Variants in LRRIQ3 observed in about 807,000 individuals in gnomAD.
LRRIQ3 encodes leucine-rich repeat and IQ domain-containing protein 3.
In LRRIQ3, 75 loss-of-function variants were observed where a neutral mutation model predicts 59.3. The ratio of observed to expected loss-of-function variants is 1.26; its 90% confidence interval spans 1.05 to 1.53. The LOEUF (loss-of-function observed/expected upper bound fraction) is 1.53. Among genes scored for constraint, LRRIQ3 ranks in the 40% most tolerant of loss-of-function variants. The pLI, the probability that LRRIQ3 is intolerant of heterozygous loss-of-function variation, is 0.00. For synonymous variants in LRRIQ3, 250 were observed against 231.3 expected (o/e 1.08, Z -0.73); for missense variants, 831 against 710.0 (o/e 1.17, Z -1.94).
At chr1:74,106,682 G>C (rs1557617938) in intron 5 of LRRIQ3, among the ~76,000 whole-genome samples, 1 of 151,912 alleles carries the variant, frequency 6.6e-6, no homozygotes, top group Non-Finnish European at 1.5e-5. Context: ...ATTTTGCTTA[G>C]AACAGCAGTA....
intron 7 of LRRIQ3, among the ~76,000 whole-genome samples, chr1:74,032,257 T>C (rs575844898): frequency 3.9e-4 from 60 of 152,186 alleles, no homozygotes; most frequent in African/African-American, 1.4e-3. Flanking sequence ...CAATACAATC[T>C]TGGGAAAACA....
intron 4 of LRRIQ3, among the ~76,000 whole-genome samples, chr1:74,149,331 A>C (rs1022729192): frequency 6.6e-6 from 1 of 152,190 alleles, no homozygotes; most frequent in Non-Finnish European, 1.5e-5. Flanking sequence ...AAAGCACTTC[A>C]AGAATGTGTT....
chr1:74,072,137 T>C (rs1655044520), intron 6 of LRRIQ3, among the ~76,000 whole-genome samples: 1 of 152,126 alleles, frequency 6.6e-6, no homozygotes. Flanking sequence ...TTAAGAATGG[T>C]ATCTAAAAGT....
chr1:74,031,658 T>A (rs1198636374), intron 7 of LRRIQ3, among the ~76,000 whole-genome samples: 2 of 151,792 alleles, frequency 1.3e-5, no homozygotes, highest in African/African-American at 4.8e-5. Flanking sequence ...ATATACCTAA[T>A]GTAAATGAGG....
chr1:74,060,147 T>G (rs1412179831), intron 6 of LRRIQ3, among the ~76,000 whole-genome samples: 1 of 152,022 alleles, frequency 6.6e-6, no homozygotes, highest in Non-Finnish European at 1.5e-5. Flanking sequence ...TCTAGTAACC[T>G]GAGTCGCCTT....
chr1:74,034,826 T>G (rs1366156725), intron 7 of LRRIQ3, among the ~76,000 whole-genome samples: 2 of 151,968 alleles, frequency 1.3e-5, no homozygotes, highest in African/African-American at 4.8e-5. Flanking sequence ...AACTTCTTTC[T>G]AGCACAGGCT....
At chr1:74,181,867 T>C (rs942259083) in intron 3 of LRRIQ3, 3 of 151,776 alleles carry the variant, frequency 2.0e-5, no homozygotes, top group African/African-American at 7.2e-5. Context: ...TTCCTCAAAA[T>C]TTCTACACAC....
At chr1:74,060,115 T>C (rs1654656769) in intron 6 of LRRIQ3, among the ~76,000 whole-genome samples, 1 of 152,110 alleles carries the variant, frequency 6.6e-6, no homozygotes, top group Admixed American at 6.6e-5. Flanking sequence ...TTTGTGGTAA[T>C]GTCCCCTGTT....
intron 4 of LRRIQ3, among the ~76,000 whole-genome samples, chr1:74,134,558 C>T (rs980500319): frequency 6.6e-6 from 1 of 151,804 alleles, no homozygotes; most frequent in Admixed American, 6.6e-5. Context: ...CTATAACACT[C>T]TTTTCTTGGG....
rs761276681 is a variant in LRRIQ3 at position 74,109,528 on chromosome 1, G to GTTT, written c.730_732dup (p.Lys244dup). On this transcript the variant is annotated inframe_insertion, in exon 5 of 8. Transcript: ENST00000354431. Reference sequence around the variant, plus strand: ...TATCCTCTAATAATTTTTTCCTGCTGTTTTTTTTTGTGGAAAAACACAGGG... The same window carrying GTTT: ...TATCCTCTAATAATTTTTTCCTGCTGTTTTTTTTTTTTGTGGAAAAACACAGGG... 9.3e-6 allele frequency: 12 copies of GTTT among 1,288,052 alleles called. No homozygotes were observed. The highest frequency in any genetic ancestry group is 5.8e-5 in the East Asian group (2 of 34,782). 79.8% of individuals were successfully genotyped at this position (1,288,052 alleles called of 1,614,324 possible).
intron 7 of LRRIQ3, among the ~76,000 whole-genome samples, chr1:74,030,328 G>T (rs1220082940): frequency 6.6e-6 from 1 of 152,076 alleles, no homozygotes; most frequent in Non-Finnish European, 1.5e-5. Flanking sequence ...AAAGAACAAA[G>T]CTGGAGGCAT....
chr1:74,080,525 A>G (rs981991780), intron 5 of LRRIQ3, among the ~76,000 whole-genome samples: 1 of 151,680 alleles, frequency 6.6e-6, no homozygotes, highest in African/African-American at 2.4e-5. Flanking sequence ...AAGAATAAAC[A>G]CTTTACACTG....
intron 4 of LRRIQ3, among the ~76,000 whole-genome samples, chr1:74,138,165 A>AAC (rs199833919): frequency 0.46 from 48,494 of 106,512 alleles, 9,600 homozygotes; most frequent in East Asian, 0.79. Context: ...CAAACAAACA[A>AAC]AAAAAAAAAA....
chr1:74,100,752 C>A (rs1214311659), intron 5 of LRRIQ3, among the ~76,000 whole-genome samples: 2 of 152,038 alleles, frequency 1.3e-5, no homozygotes, highest in Admixed American at 6.6e-5. Flanking sequence ...AGAAATAATA[C>A]CACACAACTA....
chr1:74,167,668 G>T (rs1424710788), intron 3 of LRRIQ3, among the ~76,000 whole-genome samples: 1 of 151,656 alleles, frequency 6.6e-6, no homozygotes, highest in Admixed American at 6.6e-5. Flanking sequence ...TGTGTACATT[G>T]CTCTGGTGAT....
chr1:74,031,288 T>G (rs1164736259), intron 7 of LRRIQ3, among the ~76,000 whole-genome samples: 2 of 152,190 alleles, frequency 1.3e-5, no homozygotes, highest in African/African-American at 4.8e-5. Flanking sequence ...TTATAAATCA[T>G]GCTGCTATAA....
At chr1:74,185,702 G>C (rs939239988) in intron 1 of LRRIQ3, among the ~76,000 whole-genome samples, 3 of 152,104 alleles carry the variant, frequency 2.0e-5, no homozygotes, top group African/African-American at 7.2e-5. Context: ...CCAGCACTTT[G>C]GGAGGCTGAG....
Position 74,060,285 on chromosome 1 carries a change from C to T in LRRIQ3, c.997+14376G>A, listed in dbSNP as rs147915534. 3.1e-3 allele frequency among the ~76,000 whole-genome samples: 454 copies of T among 147,412 alleles called. 2 individuals are homozygous for T. The highest frequency in any genetic ancestry group is 0.011 in the African/African-American group (429 of 39,196). Reference sequence around the variant, plus strand: ...CTTCCTCTTCTTTCTCTTCCTCCTCCTCCTCTTCCTCCTCTTCCTCTTCTT... The same window carrying T: ...CTTCCTCTTCTTTCTCTTCCTCCTCTTCCTCTTCCTCCTCTTCCTCTTCTT... On this transcript the variant is annotated intron_variant, in intron 6 of 7. Transcript: ENST00000354431.
intron 3 of LRRIQ3, among the ~76,000 whole-genome samples, chr1:74,178,493 T>C (rs1231466702): frequency 6.6e-6 from 1 of 152,194 alleles, no homozygotes; most frequent in Admixed American, 6.5e-5. Context: ...TAATTATACA[T>C]ATGATTTTTA....
Sources: allele counts gnomAD v4.1 joint callset (sites outside exome capture counted in the v4.1 genomes callset), GRCh38; gene constraint gnomAD v4.1.1; transcripts MANE v1.5; gene names NCBI Gene and HGNC (gene_info 2026-07-23, HGNC 2026-07-21).